FRMD4B: variants seen among roughly 807,000 people sequenced by gnomAD.
FRMD4B encodes FERM domain-containing protein 4B.
A neutral mutation model predicts 141.5 loss-of-function variants in FRMD4B; 74 were observed. The ratio of observed to expected loss-of-function variants is 0.52; its 90% confidence interval spans 0.43 to 0.63. FRMD4B has a LOEUF of 0.63. Among genes scored for constraint, FRMD4B ranks in the 30% least tolerant of loss-of-function variants. The pLI, the probability that FRMD4B is intolerant of heterozygous loss-of-function variation, is 0.00. For synonymous variants in FRMD4B, 506 were observed against 467.9 expected, an observed-to-expected ratio of 1.08 and a Z score of -1.05; for missense variants, 1,366 against 1,253.4, an observed-to-expected ratio of 1.09 and a Z score of -1.36.
upstream of FRMD4B, among the ~76,000 whole-genome samples, chr3:69,390,322 G>T (rs1174362264): frequency 3.3e-5 from 5 of 152,098 alleles, no homozygotes; most frequent in Non-Finnish European, 5.9e-5. Flanking sequence ...GACAGATCAT[G>T]GACGTCCAAC....
In FRMD4B at chr3:69,472,925, C is replaced by CTTTTTTTTTTTTT. The variant is rs796453101; in HGVS notation, c.-128-40165_-128-40164insAAAAAAAAAAAAA. 3.4e-3 allele frequency among the ~76,000 whole-genome samples: 313 copies of CTTTTTTTTTTTTT among 90,806 alleles called. 14 individuals are homozygous for CTTTTTTTTTTTTT. The highest frequency in any genetic ancestry group is 7.5e-3 in the Middle Eastern group (1 of 134). The allele number at this position is 90,806 out of a possible 152,430, so 59.6% of individuals were successfully genotyped here. A position where few individuals can be genotyped will look rare whatever the true frequency, so the allele number is the denominator to read the frequency against. ...TATCCAAGGCTTCAAGTGAGTCTTT[C>CTTTTTTTTTTTTT]TTTTTTTTTTTTCTTTTTTTTTTTT... On this transcript the variant is annotated intron_variant, in intron 1 of 5. Transcript: ENST00000459638.
intron 1 of FRMD4B, among the ~76,000 whole-genome samples, chr3:69,365,905 C>T (rs1030263804): frequency 2.0e-5 from 3 of 152,040 alleles, no homozygotes. Flanking sequence ...AGAATGGTTA[C>T]TGTAGCATTG....
At chr3:69,185,103 A>G (rs766213231) in intron 19 of FRMD4B, among the ~76,000 whole-genome samples, 2 of 152,138 alleles carry the variant, frequency 1.3e-5, no homozygotes, top group Admixed American at 1.3e-4. Context: ...GGAGATCAAG[A>G]CCATCCTGGC....
Position 69,464,795 on chromosome 3 carries a change from C to A in FRMD4B, c.-128-32034G>T, listed in dbSNP as rs764000118. ...ATTGAACCTGAATCTTAACAACTAT[C>A]TCGATCCAACTACCAACAAGCATCA... On this transcript the variant is annotated intron_variant, in intron 1 of 5. Transcript: ENST00000459638. 4.0e-4 allele frequency among the ~76,000 whole-genome samples: 61 copies of A among 152,174 alleles called. 1 individual carries two copies. The highest frequency in any genetic ancestry group is 3.9e-4 in the Admixed American group (6 of 15,278).
Position 69,250,106 on chromosome 3 carries a change from A to G in FRMD4B, c.502-7T>C. On this transcript the variant is annotated splice_region_variant and splice_polypyrimidine_tract_variant and intron_variant, in intron 5 of 22. Coordinates refer to ENST00000398540, the MANE Select transcript of FRMD4B (RefSeq NM_015123.3). ...TCTCTACTTCGATTTGCCCCTGTTG[A>G]TGGAAAAGGAAAGCATCATTGAACA... is the stretch of plus-strand genomic sequence containing the variant. 1 of 1,599,230 alleles carries G rather than the reference A, an allele frequency of 6.3e-7. No homozygotes were observed.
intron 1 of FRMD4B, among the ~76,000 whole-genome samples, chr3:69,320,555 A>T (rs777681939): frequency 2.6e-4 from 39 of 152,296 alleles, no homozygotes; most frequent in Non-Finnish European, 5.6e-4. Context: ...ATACAGCAAG[A>T]CCCTGTCTCT....
At chr3:69,292,348 T>C (rs963496844) in intron 4 of FRMD4B, among the ~76,000 whole-genome samples, 2 of 152,198 alleles carry the variant, frequency 1.3e-5, no homozygotes, top group African/African-American at 4.8e-5. Flanking sequence ...GATAGCATAT[T>C]AGCCAAACTA....
At chr3:69,247,537 A>G (rs1248970121) in intron 7 of FRMD4B, among the ~76,000 whole-genome samples, 1 of 152,188 alleles carries the variant, frequency 6.6e-6, no homozygotes, top group Non-Finnish European at 1.5e-5. Context: ...CCCAGGCTGG[A>G]GTGCAGTGGC....
rs1205188525 is a variant in FRMD4B at position 69,247,705 on chromosome 3, G to C, written c.581+1521C>G. ...GCTCTTTTGCCCAGGCCGGACTGCA[G>C]TGGCACTATCTCGGCTCACTGCAAG... On this transcript the variant is annotated intron_variant, in intron 7 of 22. Coordinates refer to ENST00000398540, the MANE Select transcript of FRMD4B (RefSeq NM_015123.3). 2.0e-5 allele frequency among the ~76,000 whole-genome samples: 3 copies of C among 152,170 alleles called. No homozygotes were observed. The East Asian group carries it at 5.8e-4, about 29-fold the overall frequency.
intron 1 of FRMD4B, among the ~76,000 whole-genome samples, chr3:69,479,254 G>A (rs1375650478): frequency 2.0e-5 from 3 of 150,596 alleles, no homozygotes; most frequent in African/African-American, 7.4e-5. Context: ...TCATTATGAT[G>A]TTAGCTGGTT....
chr3:69,396,364 G>A (rs1272499609), intron 2 of FRMD4B, among the ~76,000 whole-genome samples: 17 of 152,104 alleles, frequency 1.1e-4, no homozygotes, highest in Admixed American at 1.0e-3. Context: ...ATTTAGCCAG[G>A]CATAGTGGCA....
At chr3:69,350,093 C>T (rs1412415593) in intron 1 of FRMD4B, among the ~76,000 whole-genome samples, 4 of 152,116 alleles carry the variant, frequency 2.6e-5, no homozygotes, top group South Asian at 2.1e-4. Context: ...GGGCTAATAT[C>T]CAGAATCTAC....
intron 1 of FRMD4B, among the ~76,000 whole-genome samples, chr3:69,484,709 C>T (rs1472138131): frequency 6.6e-6 from 1 of 151,898 alleles, no homozygotes; most frequent in Non-Finnish European, 1.5e-5. Flanking sequence ...TGCTGGTTGT[C>T]CAGTCATCTC....
At chr3:69,325,081 A>AGAAAGAGAG (rs1702140666) in intron 1 of FRMD4B, among the ~76,000 whole-genome samples, 1 of 13,328 alleles carries the variant, frequency 7.5e-5, no homozygotes, top group African/African-American at 1.3e-4. Context: ...TGTCTAAAAA[A>AGAAAGAGAG]AAAAAAAGAA....
chr3:69,504,354 T>TA (rs1472124374), intron 1 of FRMD4B, among the ~76,000 whole-genome samples: 1 of 152,180 alleles, frequency 6.6e-6, no homozygotes, highest in Non-Finnish European at 1.5e-5. Context: ...TTCACCCACT[T>TA]AAAGTGTACA....
At chr3:69,221,776 CTA>C in intron 9 of FRMD4B, 80 bp downstream of exon 9, 1 of 769,652 alleles carries the variant, frequency 1.3e-6, no homozygotes, top group Non-Finnish European at 2.3e-6. Context: ...TTCACAAAAA[CTA>C]CACAACAGAA....
At chr3:69,355,911 G>C (rs1404543824) in intron 1 of FRMD4B, among the ~76,000 whole-genome samples, 1 of 152,080 alleles carries the variant, frequency 6.6e-6, no homozygotes, top group Non-Finnish European at 1.5e-5. Context: ...TGTATTCCCA[G>C]CTACTCGGGA....
chr3:69,193,873 C>A lies in FRMD4B; in HGVS notation c.1489G>T (p.Asp497Tyr). Reference sequence around the variant, plus strand: ...CTCTCCAGTTCTTGCAAAGCAGGATCCTGCATTTATACAATGATAGTTTTA... The same window carrying A: ...CTCTCCAGTTCTTGCAAAGCAGGATACTGCATTTATACAATGATAGTTTTA... ...LDDNLLPSEE[D>Y]PALQELESNF... Residue 497 changes from aspartate to tyrosine, a missense_variant and splice_region_variant, in exon 17 of 23, where the codon GAT (aspartate) becomes TAT (tyrosine). Asp to Tyr is a radical substitution (Grantham distance 160, BLOSUM62 -3). Transcript: ENST00000398540. The A allele has an allele frequency of 1.3e-6, 2 of 1,578,310 alleles. No homozygotes were observed. Among genetic ancestry groups the A allele is most frequent in the Non-Finnish European group, 1.7e-6 (2 of 1,151,108 alleles).
intron 1 of FRMD4B, among the ~76,000 whole-genome samples, chr3:69,442,271 G>A (rs1705353592): frequency 3.3e-5 from 5 of 151,942 alleles, no homozygotes; most frequent in Admixed American, 2.0e-4. Context: ...TTTTAGAGAT[G>A]GGATCTCACT....
Sources: gnomAD v4.1 joint callset for allele counts (sites outside exome capture counted in the v4.1 genomes callset) on GRCh38, gnomAD v4.1.1 for gene constraint, MANE v1.5 for transcripts, NCBI Gene and HGNC (gene_info 2026-07-23, HGNC 2026-07-21) for gene names.